Variants in ASCC3 observed in about 807,000 individuals in gnomAD.
ASCC3 encodes activating signal cointegrator 1 complex subunit 3, also known as ASC-1 complex subunit P200.
ASCC3 carries 158 observed loss-of-function variants against 256.3 expected under a neutral mutation model. That is an observed-to-expected ratio of 0.62 (90% CI 0.54 to 0.70). The LOEUF (loss-of-function observed/expected upper bound fraction) is 0.70, where lower values mean the gene tolerates loss of function less well. Among genes scored for constraint, ASCC3 ranks in the 30% least tolerant of loss-of-function variants. The pLI, the probability that ASCC3 is intolerant of heterozygous loss-of-function variation, is 0.00. For missense variants in ASCC3, 2,259 were observed against 2,626.0 expected, an observed-to-expected ratio of 0.86 and a Z score of 3.05; for synonymous variants, 948 against 883.4, an observed-to-expected ratio of 1.07 and a Z score of -1.30.
intron 37 of ASCC3, among the ~76,000 whole-genome samples, chr6:100,538,936 C>G (rs757085576): frequency 4.6e-5 from 7 of 151,944 alleles, no homozygotes; most frequent in Non-Finnish European, 7.4e-5. Context: ...AATCGCAATC[C>G]TTTAGGTATT....
intron 4 of ASCC3, among the ~76,000 whole-genome samples, chr6:100,835,970 T>A (rs1227094265): frequency 6.6e-6 from 1 of 152,168 alleles, no homozygotes; most frequent in African/African-American, 2.4e-5. Flanking sequence ...TTCCCATCCC[T>A]GATTAAATCT....
In ASCC3 at chr6:100,867,903, T is replaced by C; in HGVS notation, c.90+5A>G. 13 of 1,602,312 alleles carry C rather than the reference T, an allele frequency of 8.1e-6. No homozygotes were observed. The highest frequency in any genetic ancestry group is 1.1e-5 in the Non-Finnish European group (13 of 1,169,570). On this transcript the variant is annotated splice_donor_5th_base_variant and intron_variant, in intron 2 of 41. Transcript: ENST00000369162. ...GTTCAACATTTCTACCTTTAACAAA[T>C]CTACCTTTAAGTCAGCCACTTCTTC...
rs143808235 is a variant in ASCC3 at position 100,558,279 on chromosome 6, C to T, written c.5551-17892G>A. Among the ~76,000 whole-genome samples, 286 of 152,042 alleles carry T rather than the reference C, an allele frequency of 1.9e-3. 3 individuals are homozygous for T. Among genetic ancestry groups the T allele is most frequent in the African/African-American group, 6.4e-3 (264 of 41,494 alleles). On this transcript the variant is annotated intron_variant, in intron 36 of 41. Transcript: ENST00000369162. ...AAAAAATTTTCTATATGATTGTGTG[C>T]TAAAAGTTAAACCCAAAGTGAAAAG...
intron 13 of ASCC3, among the ~76,000 whole-genome samples, chr6:100,708,902 C>T (rs889957626): frequency 4.0e-5 from 6 of 151,626 alleles, no homozygotes; most frequent in Admixed American, 1.3e-4. Flanking sequence ...ATGAACAAAT[C>T]GTGTGCAATA....
At chr6:100,610,665 T>C (rs1457547747) in intron 30 of ASCC3, among the ~76,000 whole-genome samples, 3 of 152,170 alleles carry the variant, frequency 2.0e-5, no homozygotes, top group Non-Finnish European at 4.4e-5. Context: ...TTTGGCCACC[T>C]AGTATTCTTG....
At chr6:100,784,029 G>A (rs11967951) in intron 8 of ASCC3, among the ~76,000 whole-genome samples, 59,298 of 151,900 alleles carry the variant, frequency 0.39, 12,866 homozygotes, top group Middle Eastern at 0.56. Context: ...AGCAAAGATT[G>A]AAACTCAGGT....
At chr6:100,706,017 A>T (rs1442285774) in intron 13 of ASCC3, among the ~76,000 whole-genome samples, 1 of 151,824 alleles carries the variant, frequency 6.6e-6, no homozygotes, top group African/African-American at 2.4e-5. Context: ...CTCTCTACAT[A>T]TATATACACA....
intron 11 of ASCC3, among the ~76,000 whole-genome samples, chr6:100,719,415 T>C (rs1335683632): frequency 2.0e-5 from 3 of 152,024 alleles, no homozygotes; most frequent in Non-Finnish European, 4.4e-5. Flanking sequence ...TAGTGGTGAT[T>C]TGGAAAGAAA....
At chr6:100,828,502 CG>C (rs1210909720) in intron 4 of ASCC3, among the ~76,000 whole-genome samples, 6 of 152,126 alleles carry the variant, frequency 3.9e-5, no homozygotes, top group Admixed American at 1.3e-4. Context: ...CGCGGACCCT[CG>C]CAGTGAGTGT....
At chr6:100,657,491 A>C (rs1359477495) in intron 16 of ASCC3, among the ~76,000 whole-genome samples, 5 of 151,478 alleles carry the variant, frequency 3.3e-5, no homozygotes, top group African/African-American at 1.2e-4. Context: ...TTGACAGACC[A>C]AATTGTATTA....
chr6:100,578,533 C>A (rs1771005811), intron 36 of ASCC3, among the ~76,000 whole-genome samples: 2 of 151,898 alleles, frequency 1.3e-5, no homozygotes, highest in South Asian at 4.1e-4. Flanking sequence ...GTTTTCTATC[C>A]CTGTGTTTCA....
chr6:100,588,108 C>A (rs1771799558), intron 36 of ASCC3, among the ~76,000 whole-genome samples: 1 of 152,158 alleles, frequency 6.6e-6, no homozygotes, highest in Non-Finnish European at 1.5e-5. Context: ...TGCTAGACTG[C>A]AAACCACTCA....
intron 13 of ASCC3, among the ~76,000 whole-genome samples, chr6:100,686,155 A>G (rs1777555573): frequency 6.6e-6 from 1 of 152,214 alleles, no homozygotes; most frequent in Non-Finnish European, 1.5e-5. Context: ...TATACTAAAA[A>G]CATGGGGTTG....
chr6:100,677,337 T>TAAAAAAAAAAAAAAAA (rs879435725), intron 14 of ASCC3, among the ~76,000 whole-genome samples: 1 of 147,474 alleles, frequency 6.8e-6, no homozygotes, highest in African/African-American at 2.5e-5. Flanking sequence ...CTATTTTATT[T>TAAAAAAAAAAAAAAAA]AAAAAAAAAA....
intron 5 of ASCC3, among the ~76,000 whole-genome samples, chr6:100,802,759 G>A (rs942764800): frequency 6.6e-6 from 1 of 151,974 alleles, no homozygotes; most frequent in Admixed American, 6.6e-5. Flanking sequence ...AAACACTTTG[G>A]GGGGCTGAGG....
At chr6:100,646,474 C>T (rs1387178963) in intron 22 of ASCC3, 141 bp downstream of exon 22, 2 of 887,372 alleles carry the variant, frequency 2.3e-6, no homozygotes, top group Non-Finnish European at 3.3e-6. Context: ...CCATGCCCGG[C>T]TAATTGCTAT....
intron 8 of ASCC3, among the ~76,000 whole-genome samples, chr6:100,770,806 T>C (rs1781882834): frequency 6.6e-6 from 1 of 151,692 alleles, no homozygotes; most frequent in Non-Finnish European, 1.5e-5. Flanking sequence ...AAAAATATTC[T>C]ATTTTGCTAA....
chr6:100,638,685 T>G lies in ASCC3; in HGVS notation c.4038A>C (p.Leu1346=). Residue 1346 remains leucine (L), a synonymous_variant, in exon 25 of 42, where the codon CTA becomes CTC. Transcript: ENST00000369162. ...TTCCCGATCCAGTAGGTGCTCCAAG[T>G]AGGACATTACAATCCGTGTGATACA... The part of the protein sequence containing the change: ...HTLYHTDCNV[L]LGAPTGSGKT... The G allele has an allele frequency of 1.2e-6, 2 of 1,614,080 alleles. No individual in the cohort carries two copies. The highest frequency in any genetic ancestry group is 1.7e-6 in the Non-Finnish European group (2 of 1,179,954).
At chr6:100,532,631 G>C (rs959042141) in intron 37 of ASCC3, among the ~76,000 whole-genome samples, 2 of 151,202 alleles carry the variant, frequency 1.3e-5, no homozygotes, top group African/African-American at 4.9e-5. Flanking sequence ...TAAGGTCTAG[G>C]GTTGATATTA....
Sources: allele counts gnomAD v4.1 joint callset (sites outside exome capture counted in the v4.1 genomes callset), GRCh38; gene constraint gnomAD v4.1.1; transcripts MANE v1.5; gene names NCBI Gene and HGNC (gene_info 2026-07-23, HGNC 2026-07-21).